The following SLC9A9 variants were observed in gnomAD, a reference collection of about 807,000 sequenced individuals.
The protein encoded by SLC9A9 is solute carrier family 9 member A9.
A neutral mutation model predicts 77.8 loss-of-function variants in SLC9A9; 62 were observed. The ratio of observed to expected loss-of-function variants is 0.80; its 90% CI spans 0.65 to 0.98. SLC9A9 has a LOEUF of 0.98. SLC9A9 is among the 50% of genes least tolerant of loss of function. The pLI is 0.00. For synonymous variants in SLC9A9, 320 were observed against 283.5 expected (o/e 1.13, Z -1.29); for missense variants, 775 against 774.9 (o/e 1.00, Z 0.00).
At chr3:143,353,031 G>C (rs1334132328) in intron 14 of SLC9A9, among the ~76,000 whole-genome samples, 2 of 152,120 alleles carry the variant, frequency 1.3e-5, no homozygotes, top group African/African-American at 2.4e-5. Flanking sequence ...TAATTCCCTG[G>C]TTTCACTTCC....
At chr3:143,668,332 G>C (rs2039104498) in intron 5 of SLC9A9, among the ~76,000 whole-genome samples, 1 of 115,454 alleles carries the variant, frequency 8.7e-6, no homozygotes, top group Non-Finnish European at 1.7e-5. Context: ...GGCCTGTCGT[G>C]GGGTGGGGGG....
intron 14 of SLC9A9, among the ~76,000 whole-genome samples, chr3:143,323,036 T>C (rs1395458208): frequency 1.3e-5 from 2 of 152,178 alleles, no homozygotes; most frequent in Non-Finnish European, 2.9e-5. Flanking sequence ...ATGAGATATC[T>C]TGTTCCAGGC....
intron 3 of SLC9A9, among the ~76,000 whole-genome samples, chr3:143,796,597 C>T (rs762710372): frequency 5.3e-5 from 8 of 152,086 alleles, no homozygotes; most frequent in East Asian, 1.9e-4. Flanking sequence ...TCAGACAAGA[C>T]GCATTTCAAG....
At chr3:143,640,202 T>C (rs1354042008) in intron 6 of SLC9A9, among the ~76,000 whole-genome samples, 1 of 152,016 alleles carries the variant, frequency 6.6e-6, no homozygotes, top group Non-Finnish European at 1.5e-5. Context: ...TTTGTATTTT[T>C]AGTAGAGACG....
intron 2 of SLC9A9, among the ~76,000 whole-genome samples, chr3:143,814,882 G>GTA (rs1045117800): frequency 3.3e-5 from 5 of 152,152 alleles, no homozygotes; most frequent in African/African-American, 1.2e-4. Flanking sequence ...CAAGAAGTGG[G>GTA]TACAGGAGGT....
intron 14 of SLC9A9, among the ~76,000 whole-genome samples, chr3:143,311,864 T>C (rs1169380475): frequency 1.3e-5 from 2 of 152,246 alleles, no homozygotes; most frequent in African/African-American, 4.8e-5. Context: ...TGTTATTCCA[T>C]ATTTTAGTTT....
In SLC9A9 at chr3:143,739,243, C is replaced by G. The variant is rs113711453; in HGVS notation, c.534-45936G>C. On this transcript the variant is annotated intron_variant, in intron 4 of 15. Transcript: ENST00000316549. Reference sequence around the variant, plus strand: ...GGGGATTGTTATGAATAATAATGAGCTTGTCATCACTCCTGTCAATCAGAA... The same window carrying G: ...GGGGATTGTTATGAATAATAATGAGGTTGTCATCACTCCTGTCAATCAGAA... 4.2e-3 allele frequency among the ~76,000 whole-genome samples: 637 copies of G among 152,222 alleles called. 6 individuals are homozygous for G. Among genetic ancestry groups the G allele is most frequent in the African/African-American group, 0.015 (621 of 41,546 alleles).
chr3:143,351,601 G>T (rs977709852), intron 14 of SLC9A9, among the ~76,000 whole-genome samples: 1 of 152,176 alleles, frequency 6.6e-6, no homozygotes, highest in Non-Finnish European at 1.5e-5. Context: ...CAAAGAGTGG[G>T]ATTTGTAGAA....
chr3:143,615,680 T>C lies in SLC9A9; in HGVS notation c.755+36575A>G, dbSNP rs185073037. Among the ~76,000 whole-genome samples the C allele has an allele frequency of 3.3e-5, 5 of 152,322 alleles. No individual in the cohort carries two copies. The East Asian group carries it at 9.6e-4, about 29-fold the overall frequency. On this transcript the variant is annotated intron_variant, in intron 6 of 15. Transcript: ENST00000316549. ...CAAAATAAATGTAGCAAGTATCATT[T>C]GATGCGTTTTGTTATTAAGTATTAT... is the stretch of plus-strand genomic sequence containing the variant.
At chr3:143,612,897 A>G (rs1285780414) in intron 6 of SLC9A9, among the ~76,000 whole-genome samples, 1 of 152,246 alleles carries the variant, frequency 6.6e-6, no homozygotes, top group Non-Finnish European at 1.5e-5. Flanking sequence ...AAGCACTTTA[A>G]GAACACTAAA....
At chr3:143,745,107 C>T (rs918076026) in intron 4 of SLC9A9, among the ~76,000 whole-genome samples, 2 of 152,152 alleles carry the variant, frequency 1.3e-5, no homozygotes, top group African/African-American at 4.8e-5. Context: ...TTCAATTTAA[C>T]CTCTAATTTA....
intron 13 of SLC9A9, among the ~76,000 whole-genome samples, chr3:143,380,947 C>A (rs1245848946): frequency 6.6e-6 from 1 of 152,196 alleles, no homozygotes; most frequent in Non-Finnish European, 1.5e-5. Context: ...ACGCTCATAA[C>A]ACAATTCATT....
chr3:143,690,826 C>T (rs1434234654), intron 5 of SLC9A9, among the ~76,000 whole-genome samples: 2 of 151,988 alleles, frequency 1.3e-5, no homozygotes, highest in Admixed American at 6.6e-5. Context: ...TAAATTATAC[C>T]ATTGGGTACT....
At chr3:143,781,657 CCCAGGGCAAATAG>C (rs942593103) in intron 4 of SLC9A9, among the ~76,000 whole-genome samples, 1 of 152,038 alleles carries the variant, frequency 6.6e-6, no homozygotes, top group African/African-American at 2.4e-5. Flanking sequence ...CACATGCAAC[CCCAGGGCAAATAG>C]TCAAGAATTA....
intron 4 of SLC9A9, among the ~76,000 whole-genome samples, chr3:143,772,401 A>T (rs1459071885): frequency 6.6e-6 from 1 of 152,192 alleles, no homozygotes; most frequent in African/African-American, 2.4e-5. Context: ...AAAGTAAAAA[A>T]ATTTGTTCTA....
intron 9 of SLC9A9, among the ~76,000 whole-genome samples, chr3:143,525,074 A>G (rs2036381617): frequency 6.6e-6 from 1 of 152,200 alleles, no homozygotes; most frequent in African/African-American, 2.4e-5. Flanking sequence ...GACAATGAAC[A>G]AAACATATTG....
At position 143,341,945 on chromosome 3, in the gene SLC9A9, T is replaced by G. The variant is rs541046960; in HGVS notation, c.1604+21539A>C. The stretch of plus-strand genomic sequence containing the variant: ...ACACTGGTCCCTTACAAAGGACCCA[T>G]GCAGATGAAGAGCCCTGAAAGCTGA... On this transcript the variant is annotated intron_variant, in intron 14 of 15. Coordinates refer to ENST00000316549, the MANE Select transcript of SLC9A9 (RefSeq NM_173653.4). Among the ~76,000 whole-genome samples the G allele has an allele frequency of 5.3e-5, 8 of 152,252 alleles. No homozygotes were observed. The South Asian group carries it at 1.2e-3, about 24-fold the overall frequency.
intron 5 of SLC9A9, among the ~76,000 whole-genome samples, chr3:143,669,273 T>C (rs1313045533): frequency 6.6e-6 from 1 of 152,184 alleles, no homozygotes; most frequent in Non-Finnish European, 1.5e-5. Context: ...AACACATAAA[T>C]GGAATGTGTG....
intron 4 of SLC9A9, among the ~76,000 whole-genome samples, chr3:143,718,665 A>C (rs1010963237): frequency 6.6e-6 from 1 of 151,590 alleles, no homozygotes; most frequent in Non-Finnish European, 1.5e-5. Flanking sequence ...CCTTCATAGC[A>C]CCTCCCACAG....
Sources: allele counts gnomAD v4.1 joint callset (sites outside exome capture counted in the v4.1 genomes callset), GRCh38; gene constraint gnomAD v4.1.1; transcripts MANE v1.5; gene names NCBI Gene and HGNC (gene_info 2026-07-23, HGNC 2026-07-21).